The following GALM variants were observed in gnomAD, a reference collection of about 807,000 sequenced individuals.
GALM encodes galactose mutarotase, also known as aldose 1-epimerase.
A neutral mutation model predicts 37.4 loss-of-function variants in GALM; 43 were observed. The observed-to-expected ratio is 1.15, with a 90% confidence interval of 0.90 to 1.48. GALM has a LOEUF of 1.48. Among genes scored for constraint, GALM ranks in the 40% most tolerant of loss-of-function variants. The probability of loss-of-function intolerance (pLI) is 0.00; values close to 1 mark genes in which losing one functional copy is unlikely to be tolerated. For synonymous variants in GALM, 199 were observed against 170.6 expected (o/e 1.17, Z -1.30); for missense variants, 456 against 419.1 (o/e 1.09, Z -0.77).
intron 5 of GALM, among the ~76,000 whole-genome samples, chr2:38,731,361 C>T (rs1666605139): frequency 6.7e-6 from 1 of 149,032 alleles, no homozygotes; most frequent in Non-Finnish European, 1.5e-5. Flanking sequence ...CGCGCCACTG[C>T]ACTCCAGCCT....
intron 4 of GALM, among the ~76,000 whole-genome samples, chr2:38,726,471 C>A (rs1309507058): frequency 6.6e-6 from 1 of 151,884 alleles, no homozygotes; most frequent in East Asian, 2.0e-4. Flanking sequence ...CGTGATCCGC[C>A]CGCCTCGGCC....
At chr2:38,731,384 A>C (rs1243121062) in intron 5 of GALM, among the ~76,000 whole-genome samples, 1 of 134,352 alleles carries the variant, frequency 7.4e-6, no homozygotes, top group East Asian at 2.2e-4. Context: ...GCAATAGAGA[A>C]AGACTCTATT....
rs780246006 is a variant in GALM at position 38,666,245 on chromosome 2, C to A, written c.84C>A (p.Leu28=). ...TVEKFQLQSD[L]LRVDIISWGC... ...AGAAGTTCCAGCTGCAGTCAGACCT[C>A]TTGAGAGTGGACATCATCTCCTGGG... Residue 28 remains leucine (L), a synonymous_variant, in exon 1 of 7, where the codon CTC becomes CTA. Coordinates refer to ENST00000272252, the MANE Select transcript of GALM (RefSeq NM_138801.3). The A allele has an allele frequency of 6.2e-7, 1 of 1,614,100 alleles. No homozygotes were observed. The highest frequency in any genetic ancestry group is 1.1e-5 in the South Asian group (1 of 91,082).
chr2:38,699,587 G>C (rs1191779781), intron 4 of GALM, among the ~76,000 whole-genome samples: 1 of 152,124 alleles, frequency 6.6e-6, no homozygotes, highest in East Asian at 1.9e-4. Flanking sequence ...GGAGGCCGAG[G>C]TGGACTGATC....
chr2:38,707,318 T>C (rs1432529267), intron 4 of GALM, among the ~76,000 whole-genome samples: 2 of 152,036 alleles, frequency 1.3e-5, no homozygotes, highest in Non-Finnish European at 2.9e-5. Flanking sequence ...AGAGGAATCA[T>C]AGACTGAGGA....
chr2:38,704,299 C>T (rs1013654367), intron 4 of GALM, among the ~76,000 whole-genome samples: 4 of 151,850 alleles, frequency 2.6e-5, no homozygotes, highest in Non-Finnish European at 4.4e-5. Flanking sequence ...CCTGGGCTCA[C>T]GCGGTCATCC....
chr2:38,731,386 G>A (rs1666606011), intron 5 of GALM, among the ~76,000 whole-genome samples: 1 of 105,428 alleles, frequency 9.5e-6, no homozygotes. Flanking sequence ...AATAGAGAAA[G>A]ACTCTATTTC....
intron 1 of GALM, chr2:38,668,912 C>T (rs563416698): frequency 1.2e-4 from 18 of 152,126 alleles, no homozygotes; most frequent in Admixed American, 1.0e-3. Flanking sequence ...TGGATAATTC[C>T]ATGAGACATG....
intron 4 of GALM, among the ~76,000 whole-genome samples, chr2:38,706,943 G>A (rs1458222624): frequency 6.6e-6 from 1 of 152,038 alleles, no homozygotes; most frequent in Non-Finnish European, 1.5e-5. Context: ...GGGTCAGGTG[G>A]AAGAAGGCAG....
At chr2:38,690,599 C>T (rs1039119679) in intron 4 of GALM, among the ~76,000 whole-genome samples, 9 of 151,972 alleles carry the variant, frequency 5.9e-5, no homozygotes, top group Admixed American at 5.9e-4. Flanking sequence ...CACCACCACG[C>T]CTGTTGTATT....
intron 4 of GALM, among the ~76,000 whole-genome samples, chr2:38,703,774 A>G (rs1665978611): frequency 6.6e-6 from 1 of 152,090 alleles, no homozygotes; most frequent in African/African-American, 2.4e-5. Context: ...GCACTTTGGG[A>G]GGCTGAGGTG....
chr2:38,677,763 T>C (rs1045632916), intron 2 of GALM, among the ~76,000 whole-genome samples: 1 of 152,132 alleles, frequency 6.6e-6, no homozygotes, highest in East Asian at 1.9e-4. Flanking sequence ...GGGGGCACAG[T>C]AGGCCAAGGA....
intron 1 of GALM, among the ~76,000 whole-genome samples, chr2:38,668,023 C>T (rs1039778879): frequency 1.3e-5 from 2 of 152,160 alleles, no homozygotes; most frequent in Non-Finnish European, 2.9e-5. Context: ...CTATTAGCAA[C>T]AGATCTTACC....
intron 4 of GALM, among the ~76,000 whole-genome samples, chr2:38,707,503 A>T (rs985657625): frequency 1.3e-5 from 2 of 152,182 alleles, no homozygotes; most frequent in Non-Finnish European, 2.9e-5. Context: ...TACTCCAGGG[A>T]GTCAAGTGGC....
chr2:38,692,684 G>C (rs1665705669), intron 4 of GALM, among the ~76,000 whole-genome samples: 1 of 152,194 alleles, frequency 6.6e-6, no homozygotes, highest in Admixed American at 6.6e-5. Flanking sequence ...GGAAGGGTCA[G>C]CCAGAATTGT....
intron 5 of GALM, among the ~76,000 whole-genome samples, chr2:38,730,352 C>T (rs1193830033): frequency 6.6e-6 from 1 of 152,126 alleles, no homozygotes; most frequent in Non-Finnish European, 1.5e-5. Flanking sequence ...CTGCAACCTC[C>T]GCCTCCCGGG....
intron 5 of GALM, among the ~76,000 whole-genome samples, chr2:38,730,707 GGT>G: frequency 6.6e-6 from 1 of 152,018 alleles, no homozygotes; most frequent in Admixed American, 6.5e-5. Flanking sequence ...GATCACTTGA[GGT>G]CAGGAGTTTG....
chr2:38,701,699 G>T (rs528597655), intron 4 of GALM, among the ~76,000 whole-genome samples: 1 of 152,112 alleles, frequency 6.6e-6, no homozygotes, highest in East Asian at 1.9e-4. Context: ...CTACAATTCG[G>T]CAGATGATAT....
chr2:38,682,651 C>G (rs1420936417), intron 3 of GALM, among the ~76,000 whole-genome samples: 1 of 152,148 alleles, frequency 6.6e-6, no homozygotes, highest in African/African-American at 2.4e-5. Flanking sequence ...AATCCCGGCA[C>G]TTTGGGAGGC....
Sources: allele counts gnomAD v4.1 joint callset (sites outside exome capture counted in the v4.1 genomes callset), GRCh38; gene constraint gnomAD v4.1.1; transcripts MANE v1.5; gene names NCBI Gene and HGNC (gene_info 2026-07-23, HGNC 2026-07-21).